Variants in RIMS2 observed in about 807,000 individuals in gnomAD.
The protein encoded by RIMS2 is regulating synaptic membrane exocytosis protein 2.
In RIMS2, 59 loss-of-function variants were observed where a neutral mutation model predicts 174.4. The observed-to-expected ratio is 0.34, with a 90% CI of 0.27 to 0.42. RIMS2 has a LOEUF of 0.42. Among genes scored for constraint, RIMS2 ranks in the 10% least tolerant of loss-of-function variants. The pLI, the probability that RIMS2 is intolerant of heterozygous loss-of-function variation, is 1.00. For synonymous variants in RIMS2, 606 were observed against 572.5 expected, an observed-to-expected ratio of 1.06 and a Z score of -0.84; for missense variants, 1,620 against 1,666.3, an observed-to-expected ratio of 0.97 and a Z score of 0.48.
intron 1 of RIMS2, among the ~76,000 whole-genome samples, chr8:103,665,042 C>T (rs534823115): frequency 1.2e-4 from 19 of 152,296 alleles, no homozygotes; most frequent in Admixed American, 3.3e-4. Context: ...AACCAAACAT[C>T]GCATGTTTTC....
At chr8:103,553,039 G>C (rs1848759246) in intron 1 of RIMS2, among the ~76,000 whole-genome samples, 1 of 152,210 alleles carries the variant, frequency 6.6e-6, no homozygotes, top group Non-Finnish European at 1.5e-5. Flanking sequence ...ACAGCGTGGT[G>C]ATTCCTCAAG....
chr8:104,178,948 A>G (rs1010543386), intron 19 of RIMS2, among the ~76,000 whole-genome samples: 33 of 152,172 alleles, frequency 2.2e-4, no homozygotes, highest in Non-Finnish European at 2.9e-5. Context: ...TTCTTACACC[A>G]TTGCTAACTT....
intron 1 of RIMS2, among the ~76,000 whole-genome samples, chr8:103,664,056 C>T (rs1256539190): frequency 1.3e-5 from 2 of 152,150 alleles, no homozygotes; most frequent in East Asian, 3.9e-4. Context: ...ATCAATGGTG[C>T]TGGGAAAACT....
chr8:103,705,910 T>G (rs1289417907), intron 2 of RIMS2, among the ~76,000 whole-genome samples: 1 of 151,898 alleles, frequency 6.6e-6, no homozygotes. Context: ...TCGATAGTAT[T>G]ATTGATCAGT....
chr8:104,248,604 C>T, intron 20 of RIMS2, 97 bp from the exon 27 acceptor site: 2 of 721,454 alleles, frequency 2.8e-6, no homozygotes, highest in South Asian at 3.2e-5. Flanking sequence ...AATAATAGGA[C>T]TAGTCTTGCC....
chr8:103,777,676 T>G (rs1457851914), intron 3 of RIMS2, among the ~76,000 whole-genome samples: 1 of 151,978 alleles, frequency 6.6e-6, no homozygotes, highest in African/African-American at 2.4e-5. Context: ...AGACAGAAAA[T>G]AAATATAAAT....
chr8:103,515,167 A>G (rs1483717707), intron 1 of RIMS2, among the ~76,000 whole-genome samples: 1 of 152,178 alleles, frequency 6.6e-6, no homozygotes, highest in African/African-American at 2.4e-5. Flanking sequence ...CAAATATTTA[A>G]AAATAATGTT....
intron 4 of RIMS2, among the ~76,000 whole-genome samples, chr8:103,901,794 TAC>T (rs2154524586): frequency 6.6e-6 from 1 of 152,340 alleles, no homozygotes. Flanking sequence ...AATTCTACTG[TAC>T]TTTAGCCAGC....
intron 19 of RIMS2, among the ~76,000 whole-genome samples, chr8:104,028,158 C>T (rs1263910219): frequency 6.6e-6 from 1 of 151,562 alleles, no homozygotes; most frequent in African/African-American, 2.4e-5. Flanking sequence ...GAAAGAGAAC[C>T]TATGTTGTCC....
chr8:103,529,433 G>C (rs926630850), intron 1 of RIMS2, among the ~76,000 whole-genome samples: 1 of 152,202 alleles, frequency 6.6e-6, no homozygotes, highest in South Asian at 2.1e-4. Flanking sequence ...AGCCATGCGC[G>C]GGATATAATC....
intron 2 of RIMS2, among the ~76,000 whole-genome samples, chr8:103,718,918 G>A (rs543724272): frequency 1.3e-5 from 2 of 152,200 alleles, no homozygotes; most frequent in East Asian, 3.9e-4. Context: ...CTGAAGTGCT[G>A]GGATTACAGG....
chr8:103,839,077 C>T (rs1426411342), intron 3 of RIMS2, among the ~76,000 whole-genome samples: 2 of 152,070 alleles, frequency 1.3e-5, no homozygotes, highest in Non-Finnish European at 2.9e-5. Context: ...AAAAAAAGGC[C>T]TATTAATCTG....
chr8:104,054,746 T>C (rs2096840980), intron 19 of RIMS2, among the ~76,000 whole-genome samples: 1 of 152,180 alleles, frequency 6.6e-6, no homozygotes, highest in African/African-American at 2.4e-5. Flanking sequence ...TTTATTTTAA[T>C]GATGTTTCTT....
intron 3 of RIMS2, among the ~76,000 whole-genome samples, chr8:103,839,587 G>A (rs927936933): frequency 2.6e-5 from 4 of 152,188 alleles, no homozygotes; most frequent in Non-Finnish European, 5.9e-5. Flanking sequence ...TGATCAGAGA[G>A]TTTTATAGTA....
chr8:103,956,583 C>T (rs1170432930), intron 14 of RIMS2, among the ~76,000 whole-genome samples: 1 of 152,100 alleles, frequency 6.6e-6, no homozygotes, highest in African/African-American at 2.4e-5. Context: ...TTCCTGACAC[C>T]TTATACAAAA....
chr8:103,504,336 G>T (rs1248581434), intron 1 of RIMS2, among the ~76,000 whole-genome samples: 2 of 151,938 alleles, frequency 1.3e-5, no homozygotes, highest in Non-Finnish European at 2.9e-5. Flanking sequence ...AATAAATTGT[G>T]TTTATTTAAA....
At chr8:103,945,525 C>G (rs1247213637) in intron 14 of RIMS2, among the ~76,000 whole-genome samples, 3 of 151,984 alleles carry the variant, frequency 2.0e-5, no homozygotes, top group African/African-American at 7.2e-5. Flanking sequence ...TGAACATACA[C>G]ACAGACATCT....
At chr8:104,163,019 T>C (rs1369155310) in intron 19 of RIMS2, among the ~76,000 whole-genome samples, 19 of 152,148 alleles carry the variant, frequency 1.2e-4, no homozygotes. Context: ...AGTTATTTGA[T>C]AGAAACATCA....
chr8:104,045,889 G>C (rs949527715), intron 19 of RIMS2, among the ~76,000 whole-genome samples: 1 of 150,608 alleles, frequency 6.6e-6, no homozygotes, highest in Non-Finnish European at 1.5e-5. Flanking sequence ...TAAAAATACA[G>C]TTGGGAATAA....
Sources: allele counts gnomAD v4.1 joint callset (sites outside exome capture counted in the v4.1 genomes callset), GRCh38; gene constraint gnomAD v4.1.1; transcripts MANE v1.5; gene names NCBI Gene and HGNC (gene_info 2026-07-23, HGNC 2026-07-21).